ZNF536: variants seen among roughly 807,000 people sequenced by gnomAD.
ZNF536 encodes the protein zinc finger protein 536.
ZNF536 carries 13 observed loss-of-function variants against 84.5 expected under a neutral mutation model. That is an observed-to-expected ratio of 0.15 (90% CI 0.10 to 0.24). The LOEUF is 0.24. Ranked by LOEUF, ZNF536 falls within the 10% of genes least tolerant of loss-of-function variation. The pLI, the probability that ZNF536 is intolerant of heterozygous loss-of-function variation, is 1.00. For missense variants in ZNF536, 1,536 were observed against 1,747.5 expected (o/e 0.88, Z 2.16); for synonymous variants, 811 against 742.5 (o/e 1.09, Z -1.50).
intron 1 of ZNF536, among the ~76,000 whole-genome samples, chr19:30,381,590 A>T (rs1285392085): frequency 6.6e-6 from 1 of 152,224 alleles, no homozygotes; most frequent in African/African-American, 2.4e-5. Context: ...GGGCTGGAGC[A>T]TGAGGGACCA....
At position 30,638,556 on chromosome 19, in the gene ZNF536, A is replaced by T. The variant is rs537089642; in HGVS notation, c.170-72201A>T. On this transcript the variant is annotated intron_variant, in intron 1 of 1. Coordinates refer to the ZNF536 transcript ENST00000592773. ...ATAACTTACTCACTGTCACAAGAAC[A>T]TTACCAAGGCAGGTAGTGCTAAAAA... Among the ~76,000 whole-genome samples, 8 of 152,292 alleles carry T rather than the reference A, an allele frequency of 5.3e-5. No homozygotes were observed. In the East Asian group the frequency reaches 1.5e-3, roughly 29 times the overall value.
chr19:30,458,213 G>A, intron 2 of ZNF536, among the ~76,000 whole-genome samples: 1 of 152,076 alleles, frequency 6.6e-6, no homozygotes. Flanking sequence ...TCCTTCTCTG[G>A]GCTTTGGCTT....
intron 1 of ZNF536, among the ~76,000 whole-genome samples, chr19:30,279,017 C>T (rs961713322): frequency 3.9e-5 from 6 of 152,178 alleles, no homozygotes; most frequent in South Asian, 2.1e-4. Flanking sequence ...AATGTCTCAG[C>T]GCTCCTTGAA....
At chr19:30,250,001 T>C (rs2024514161) in intron 1 of ZNF536, among the ~76,000 whole-genome samples, 1 of 152,212 alleles carries the variant, frequency 6.6e-6, no homozygotes, top group Non-Finnish European at 1.5e-5. Context: ...GAACATGTTT[T>C]CTATTGATTT....
chr19:30,462,891 G>T (rs1038294167), intron 2 of ZNF536, among the ~76,000 whole-genome samples: 5 of 141,960 alleles, frequency 3.5e-5, no homozygotes, highest in African/African-American at 1.3e-4. Flanking sequence ...ATATGTATTT[G>T]TCTGTGTTGG....
At chr19:30,606,217 T>TA (rs1174265042) in intron 1 of ZNF536, among the ~76,000 whole-genome samples, 5,365 of 54,078 alleles carry the variant, frequency 0.099, 318 homozygotes, top group Middle Eastern at 0.14. Context: ...TAAAATAAAA[T>TA]ATAAAATAAA....
At chr19:30,387,860 G>A (rs1445051817) in intron 1 of ZNF536, among the ~76,000 whole-genome samples, 5 of 152,170 alleles carry the variant, frequency 3.3e-5, no homozygotes, top group Admixed American at 2.6e-4. Context: ...CTGCTTGAGG[G>A]ATGGGGTTGG....
chr19:30,635,850 G>C (rs1035615201), intron 1 of ZNF536, among the ~76,000 whole-genome samples: 6 of 152,190 alleles, frequency 3.9e-5, no homozygotes, highest in Non-Finnish European at 5.9e-5. Flanking sequence ...ACACTGCGGA[G>C]AGCGCTTACC....
At chr19:30,461,934 C>A (rs909631870) in intron 2 of ZNF536, among the ~76,000 whole-genome samples, 3 of 152,204 alleles carry the variant, frequency 2.0e-5, no homozygotes, top group Non-Finnish European at 4.4e-5. Flanking sequence ...TCTCCACCCC[C>A]ACCCCTTCTC....
intron 1 of ZNF536, among the ~76,000 whole-genome samples, chr19:30,407,258 C>T (rs925173056): frequency 1.3e-5 from 2 of 152,170 alleles, no homozygotes; most frequent in African/African-American, 4.8e-5. Flanking sequence ...TGACGTTTTG[C>T]TAGTTTTTCT....
rs766273786 is a variant in ZNF536 at position 30,548,446 on chromosome 19, G to C, written c.2827G>C (p.Asp943His). ...EKDMKDKALA[D>H]PPSMKVHGVD... The stretch of plus-strand genomic sequence containing the variant: ...GGACATGAAGGACAAAGCCCTGGCT[G>C]ACCCCCCTTCCATGAAAGTCCACGG... The change falls in exon 4 of 5, where the codon GAC becomes CAC. Residue 943 changes from aspartate (D) to histidine (H), a missense_variant. Transcript: ENST00000355537. 1 of 1,614,160 alleles carries C rather than the reference G, an allele frequency of 6.2e-7. No homozygotes were observed. The highest frequency in any genetic ancestry group is 8.5e-7 in the Non-Finnish European group (1 of 1,180,038).
chr19:30,287,499 TAG>T (rs893186428), intron 2 of ZNF536, among the ~76,000 whole-genome samples: 7 of 150,620 alleles, frequency 4.6e-5, no homozygotes, highest in Admixed American at 4.0e-4. Context: ...GATGGATGAA[TAG>T]ATGGGTGGGT....
intron 2 of ZNF536, among the ~76,000 whole-genome samples, chr19:30,314,966 C>T (rs1016116845): frequency 1.3e-5 from 2 of 152,182 alleles, no homozygotes; most frequent in African/African-American, 4.8e-5. Flanking sequence ...AATGGCATGT[C>T]TCAGCGAGGC....
At chr19:30,335,254 C>T (rs2047344425) in intron 2 of ZNF536, among the ~76,000 whole-genome samples, 1 of 152,194 alleles carries the variant, frequency 6.6e-6, no homozygotes. Flanking sequence ...AGCCATTTAA[C>T]CTCTCGGAAC....
intron 1 of ZNF536, among the ~76,000 whole-genome samples, chr19:30,229,623 C>G (rs1045694140): frequency 6.6e-6 from 1 of 152,190 alleles, no homozygotes; most frequent in Non-Finnish European, 1.5e-5. Context: ...GCCCCTGCAG[C>G]CCTCTGGCCT....
At chr19:30,416,389 G>C (rs1257157651) in intron 1 of ZNF536, among the ~76,000 whole-genome samples, 1 of 149,886 alleles carries the variant, frequency 6.7e-6, no homozygotes, top group Non-Finnish European at 1.5e-5. Context: ...TTGTTTTTGT[G>C]AAAAGAGGAG....
intron 1 of ZNF536, among the ~76,000 whole-genome samples, chr19:30,386,842 C>A (rs2049362418): frequency 6.6e-6 from 1 of 152,214 alleles, no homozygotes. Flanking sequence ...TGGAAATTAG[C>A]CCTGCGTTTC....
intron 1 of ZNF536, among the ~76,000 whole-genome samples, chr19:30,588,922 G>A (rs531014681): frequency 2.0e-5 from 3 of 152,258 alleles, no homozygotes; most frequent in Admixed American, 6.5e-5. Flanking sequence ...TATGGCAAGC[G>A]TCATAGAAGC....
chr19:30,238,630 T>G (rs926882673), intron 1 of ZNF536, among the ~76,000 whole-genome samples: 1 of 151,792 alleles, frequency 6.6e-6, no homozygotes, highest in African/African-American at 2.4e-5. Flanking sequence ...CTCCCTCCCT[T>G]TCTCCCTTCT....
Sources: allele counts gnomAD v4.1 joint callset (sites outside exome capture counted in the v4.1 genomes callset), GRCh38; gene constraint gnomAD v4.1.1; transcripts MANE v1.5; gene names NCBI Gene and HGNC (gene_info 2026-07-23, HGNC 2026-07-21).